PROSER1: variants seen among roughly 807,000 people sequenced by gnomAD.
The protein encoded by PROSER1 is proline and serine-rich protein 1.
In PROSER1, 36 loss-of-function variants were observed where a neutral mutation model predicts 71.8. The ratio of observed to expected loss-of-function variants is 0.50; its 90% CI spans 0.38 to 0.66. The LOEUF is 0.66. Ranked by LOEUF, PROSER1 falls within the 30% of genes least tolerant of loss-of-function variation. The probability of loss-of-function intolerance (pLI) is 0.00; values close to 1 mark genes in which losing one functional copy is unlikely to be tolerated. For missense variants in PROSER1, 1,107 were observed against 1,135.0 expected, an observed-to-expected ratio of 0.98 and a Z score of 0.35; for synonymous variants, 490 against 452.4, an observed-to-expected ratio of 1.08 and a Z score of -1.06.
rs201397537 is a variant in PROSER1, at chr13:39,024,490, G to T, written c.547C>A (p.Leu183Ile). 1.0e-4 allele frequency: 168 copies of T among 1,603,448 alleles called. No homozygotes were observed. The highest frequency in any genetic ancestry group is 1.3e-4 in the Non-Finnish European group (148 of 1,174,348). Residue 183 changes from leucine to isoleucine, a missense_variant, in exon 7 of 13, where the codon CTT becomes ATT. By Grantham distance (5) the Leu-to-Ile change is conservative (BLOSUM62 2). Transcript: ENST00000352251. ...NEGKGIAARI[L>I]GPSKPPPSTY... ...AAACATACTGGTTTGGATGGCCCAA[G>T]AATTCGTGCAGCTATTCCTTTGCCT...
At position 39,012,713 on chromosome 13, in the gene PROSER1, A is replaced by T. The variant is rs17058955; in HGVS notation, c.2539T>A (p.Ser847Thr). The change falls in exon 11 of 13, where the codon TCC (serine) becomes ACC (threonine). Residue 847 changes from serine to threonine, a missense_variant. Ser to Thr is a moderately conservative substitution (Grantham distance 58). Coordinates refer to ENST00000352251, the MANE Select transcript of PROSER1 (RefSeq NM_025138.5). ...FASAFSSNFN[S>T]ALVAQAGLSS... The stretch of plus-strand genomic sequence containing the variant: ...TACCCGGCTTGTGCAACAAGAGCGG[A>T]GTTGAAATTGGAACTGAATGCTGAG... 7,272 of 1,590,770 alleles carry T rather than the reference A, an allele frequency of 4.6e-3. 283 individuals are homozygous for T. The African/African-American group carries it at 0.088, about 19-fold the overall frequency.
intron 1 of PROSER1, among the ~76,000 whole-genome samples, chr13:39,036,347 T>G (rs1446381568): frequency 6.6e-6 from 1 of 152,200 alleles, no homozygotes; most frequent in African/African-American, 2.4e-5. Flanking sequence ...ATAATAGCTT[T>G]GTAAACTGAA....
chr13:39,027,647 TTG>T (rs1283252665), intron 5 of PROSER1, among the ~76,000 whole-genome samples: 3 of 152,160 alleles, frequency 2.0e-5, no homozygotes, highest in African/African-American at 7.2e-5. Flanking sequence ...TTAAAGGAGT[TTG>T]TGAGTATTAA....
At position 39,013,600 on chromosome 13, in the gene PROSER1, G is replaced by A; in HGVS notation, c.1652C>T (p.Thr551Ile). The part of the protein sequence containing the change: ...LPSPVANSTS[T>I]PLTLPVQSPL... The stretch of plus-strand genomic sequence containing the variant: ...AGACTGTACAGGCAATGTCAGGGGA[G>A]TGGAAGTTGAGTTAGCCACGGGAGA... The change falls in exon 11 of 13, where the codon ACT becomes ATT. Residue 551 changes from threonine to isoleucine, a missense_variant. Physicochemically the swap from Thr to Ile is moderately conservative, Grantham distance 89. Transcript: ENST00000352251. 3 of 1,614,194 alleles carry A rather than the reference G, an allele frequency of 1.9e-6. No homozygotes were observed. The highest frequency in any genetic ancestry group is 2.5e-6 in the Non-Finnish European group (3 of 1,180,034).
chr13:39,025,441 T>C (rs550023658), intron 6 of PROSER1, among the ~76,000 whole-genome samples: 115 of 152,296 alleles, frequency 7.6e-4, no homozygotes, highest in African/African-American at 2.6e-3. Flanking sequence ...ACATGGGACA[T>C]TGCAGAAAGG....
intron 8 of PROSER1, 92 bp downstream of exon 8, chr13:39,022,960 G>T: frequency 9.4e-7 from 1 of 1,058,622 alleles, no homozygotes; most frequent in Non-Finnish European, 1.4e-6. Context: ...AAGTGCTACA[G>T]ATTTGCCAAC....
At chr13:39,018,734 T>C (rs1870138685) in intron 9 of PROSER1, among the ~76,000 whole-genome samples, 1 of 151,300 alleles carries the variant, frequency 6.6e-6, no homozygotes, top group African/African-American at 2.4e-5. Context: ...ATACAGAAAA[T>C]GTAAAATAAG....
chr13:39,036,899 C>G (rs992383724), intron 1 of PROSER1, among the ~76,000 whole-genome samples: 1 of 152,108 alleles, frequency 6.6e-6, no homozygotes, highest in Non-Finnish European at 1.5e-5. Context: ...ATATTAAACC[C>G]CTTACCCAAA....
chr13:39,031,845 T>C (rs1363094683), intron 2 of PROSER1: 7 of 506,882 alleles, frequency 1.4e-5, no homozygotes, highest in Middle Eastern at 9.1e-4. Flanking sequence ...ATCAGTTCCT[T>C]AGTGACACAA....
chr13:39,023,068 A>G lies in PROSER1; in HGVS notation c.627T>C (p.His209=), dbSNP rs772033311. 2.5e-6 allele frequency: 4 copies of G among 1,612,664 alleles called. No individual in the cohort carries two copies. The highest frequency in any genetic ancestry group is 3.4e-6 in the Non-Finnish European group (4 of 1,178,848). ...VPYPIPPCRP[H]ATIAPSAYNN... ...ACTCCTTACTTGGTGCAATAGTTGCATGTGGTCGGCATGGAGGTATCGGAT... is the reference window on the plus strand; with the variant it reads ...ACTCCTTACTTGGTGCAATAGTTGCGTGTGGTCGGCATGGAGGTATCGGAT... Residue 209 remains histidine (H), a synonymous_variant, in exon 8 of 13, where the codon CAT becomes CAC. Coordinates refer to ENST00000352251, the MANE Select transcript of PROSER1 (RefSeq NM_025138.5).
At chr13:39,031,681 T>A (rs774022005) in intron 2 of PROSER1, 50 bp from the exon 3 acceptor site, 1 of 1,499,838 alleles carries the variant, frequency 6.7e-7, no homozygotes, top group South Asian at 1.1e-5. Context: ...TGCAAACATT[T>A]CTATAAGATT....
chr13:39,020,471 G>A (rs1870238429), intron 9 of PROSER1, among the ~76,000 whole-genome samples: 1 of 152,018 alleles, frequency 6.6e-6, no homozygotes, highest in Non-Finnish European at 1.5e-5. Context: ...ATATAAGGGG[G>A]AGCCTGCCTT....
Position 39,013,415 on chromosome 13 carries a change from T to C in PROSER1, c.1837A>G (p.Ser613Gly). The C allele has an allele frequency of 6.2e-7, 1 of 1,614,156 alleles. No individual in the cohort carries two copies. The highest frequency in any genetic ancestry group is 8.5e-7 in the Non-Finnish European group (1 of 1,180,028). Reference protein sequence around the residue: ...LPVMIKTEPTSPTPSAFKGPS... With the variant: ...LPVMIKTEPTGPTPSAFKGPS... ...CCTTTGAAGGCCGAGGGAGTAGGACTTGTGGGCTCAGTTTTGATCATAACA... is the reference window on the plus strand; with the variant it reads ...CCTTTGAAGGCCGAGGGAGTAGGACCTGTGGGCTCAGTTTTGATCATAACA... The change falls in exon 11 of 13, where the codon AGT (serine) becomes GGT (glycine). Residue 613 changes from serine (S) to glycine (G), a missense_variant. Ser to Gly is a moderately conservative substitution (Grantham distance 56). Coordinates refer to ENST00000352251, the MANE Select transcript of PROSER1 (RefSeq NM_025138.5).
chr13:39,011,303 G>A lies in PROSER1; in HGVS notation c.*62C>T. The stretch of plus-strand genomic sequence containing the variant: ...TGGCCAGCTTCACATTTGTCAGATT[G>A]TTCATTGCAGTTCTCAGGCAATTCT... On this transcript the variant is annotated 3_prime_UTR_variant, in exon 13 of 13. Coordinates refer to ENST00000352251, the MANE Select transcript of PROSER1 (RefSeq NM_025138.5). 2 of 1,548,798 alleles carry A rather than the reference G, an allele frequency of 1.3e-6. No homozygotes were observed. The highest frequency in any genetic ancestry group is 1.1e-5 in the South Asian group (1 of 87,690).
rs771944722 is a variant in PROSER1, at chr13:39,034,156, A to T, written c.86T>A (p.Val29Glu). ...CTGTTCACTAGAAAAGTATCCATGC[A>T]CATATTCAATTGCTTTTAATTTGTA... ...TEYKLKAIEY[V>E]HGYFSSEQVV... is the part of the protein sequence containing the mutation. The change falls in exon 2 of 13, where the codon GTG becomes GAG. Residue 29 changes from valine (V) to glutamate (E), a missense_variant. Coordinates refer to ENST00000352251, the MANE Select transcript of PROSER1 (RefSeq NM_025138.5). 1 of 1,588,856 alleles carries T rather than the reference A, an allele frequency of 6.3e-7. No homozygotes were observed.
chr13:39,029,807 CAT>C (rs1467008564), intron 3 of PROSER1, among the ~76,000 whole-genome samples: 1 of 150,968 alleles, frequency 6.6e-6, no homozygotes. Context: ...TGATGTTAAA[CAT>C]ATTACAAAAA....
rs765076141 is a variant in PROSER1, at chr13:39,038,044, C to G, written c.-802G>C. On this transcript the variant is annotated 5_prime_UTR_variant, in exon 1 of 13. Coordinates refer to ENST00000352251, the MANE Select transcript of PROSER1 (RefSeq NM_025138.5). The stretch of plus-strand genomic sequence containing the variant: ...GGACCTACAATAAAGCCAGTCGCGC[C>G]CAAGTAAACTCAACACTGCGCCGCC... The G allele has an allele frequency of 6.5e-6, 1 of 153,042 alleles. No individual in the cohort carries two copies. Among genetic ancestry groups the G allele is most frequent in the Non-Finnish European group, 1.5e-5 (1 of 68,718 alleles). 9.5% of individuals were successfully genotyped at this position (153,042 alleles called of 1,614,324 possible). A position where few individuals can be genotyped will look rare whatever the true frequency, so the allele number is the denominator to read the frequency against.
chr13:39,012,402 T>C, intron 11 of PROSER1, 169 bp from the exon 12 acceptor site: 1 of 734,772 alleles, frequency 1.4e-6, no homozygotes, highest in Non-Finnish European at 2.3e-6. Context: ...TATGAATCTT[T>C]CTACTGTGAA....
chr13:39,017,713 C>T, intron 9 of PROSER1, 169 bp from the exon 10 acceptor site: 1 of 534,842 alleles, frequency 1.9e-6, no homozygotes, highest in Non-Finnish European at 3.2e-6. Context: ...AGTAACTCTA[C>T]TATTATTACT....
Sources: gnomAD v4.1 joint callset for allele counts (sites outside exome capture counted in the v4.1 genomes callset) on GRCh38, gnomAD v4.1.1 for gene constraint, MANE v1.5 for transcripts, NCBI Gene and HGNC (gene_info 2026-07-23, HGNC 2026-07-21) for gene names.